The following ZNF593OS variants were observed in gnomAD, a reference collection of about 807,000 sequenced individuals.
The protein encoded by ZNF593OS is ZNF593 opposite strand.
rs1255015772 is a variant in ZNF593OS at position 26,171,208 on chromosome 1, C to T, written c.173G>A (p.Arg58Gln). 3 of 406,296 alleles carry T rather than the reference C, an allele frequency of 7.4e-6. No homozygotes were observed. Among genetic ancestry groups the T allele is most frequent in the Non-Finnish European group, 1.3e-5 (3 of 230,266 alleles). The allele number at this position is 406,296 out of a possible 1,614,324, so 25.2% of individuals were successfully genotyped here. A position where few individuals can be genotyped will look rare whatever the true frequency, so the allele number is the denominator to read the frequency against. ...TCTTCGTTACGGGGCCCGTGGCACC[C>T]GCCGCTGCCCCACCATCTTCCAGAC... Residue 58 changes from arginine (R) to glutamine (Q), a missense_variant, in exon 2 of 2, where the codon CGG (arginine) becomes CAG (glutamine). Physicochemically the swap from Arg to Gln is conservative, Grantham distance 43 (BLOSUM62 1). Coordinates refer to ENST00000648649, the Ensembl canonical transcript of ZNF593OS. This position sits in a 1 kb window ranked among gnomAD's most constrained non-coding sequence, Gnocchi z 5.5.
exon 2 of ZNF593OS, chr1:26,170,898 G>A (rs2088489779): frequency 2.6e-6 from 2 of 769,010 alleles, no homozygotes; most frequent in African/African-American, 3.5e-5. Context: ...TAACTTCCAG[G>A]CCGCTGTCTC....
At chr1:26,170,181 C>G, downstream of ZNF593OS, 1 of 1,572,128 alleles carries the variant, frequency 6.4e-7, no homozygotes, top group Non-Finnish European at 8.6e-7. Context: ...GTCTGGCCTG[C>G]GCGTGAGTCC....
At chr1:26,170,022 C>T, downstream of ZNF593OS, 4 of 1,566,562 alleles carry the variant, frequency 2.6e-6, no homozygotes, top group Non-Finnish European at 3.4e-6. Context: ...ACCGAGCGCA[C>T]TCTCTAGCCC....
chr1:26,170,375 G>T, downstream of ZNF593OS: 1 of 1,592,680 alleles, frequency 6.3e-7, no homozygotes, highest in South Asian at 1.1e-5. Flanking sequence ...GCACTTGGGA[G>T]ACTATCACCT....
At chr1:26,169,950 C>A (rs1194267070), downstream of ZNF593OS, 21 of 1,518,152 alleles carry the variant, frequency 1.4e-5, no homozygotes, top group Non-Finnish European at 1.8e-5. Context: ...CTGCCCTGCT[C>A]CTGGCCCCTT....
At chr1:26,170,353 A>G (rs1396913307), downstream of ZNF593OS, 4 of 1,565,702 alleles carry the variant, frequency 2.6e-6, no homozygotes, top group Admixed American at 6.9e-5. Context: ...AGCTAGGGCT[A>G]GGGAGATAGG....
chr1:26,170,957 C>T, exon 2 of ZNF593OS: 1 of 597,596 alleles, frequency 1.7e-6, no homozygotes, highest in Non-Finnish European at 2.9e-6. Context: ...TACACCAGGC[C>T]TAGGGTGTCT....
At chr1:26,169,828 C>G (rs1569859927), downstream of ZNF593OS, 11 of 811,152 alleles carry the variant, frequency 1.4e-5, no homozygotes, top group South Asian at 1.5e-4. Flanking sequence ...TGGCGGCGCT[C>G]GAGCCGCTGG....
At chr1:26,170,689 G>A in exon 2 of ZNF593OS, 1 of 1,609,052 alleles carries the variant, frequency 6.2e-7, no homozygotes, top group East Asian at 2.2e-5. Flanking sequence ...TGTCCACTGA[G>A]GTCCCTGAGA....
rs1360036555 is a variant in ZNF593OS at position 26,171,199 on chromosome 1, C to T, written c.182G>A (p.Arg61Gln). 3 of 405,486 alleles carry T rather than the reference C, an allele frequency of 7.4e-6. No individual in the cohort carries two copies. The highest frequency in any genetic ancestry group is 4.1e-5 in the Admixed American group (1 of 24,404). The allele number at this position is 405,486 out of a possible 1,614,324, so 25.1% of individuals were successfully genotyped here. A position where few individuals can be genotyped will look rare whatever the true frequency, so the allele number is the denominator to read the frequency against. Residue 61 changes from arginine to glutamine, a missense_variant, in exon 2 of 2, where the codon CGG (arginine) becomes CAG (glutamine). Physicochemically the swap from Arg to Gln is conservative, Grantham distance 43 (BLOSUM62 1). Coordinates refer to ENST00000648649, the Ensembl canonical transcript of ZNF593OS. The surrounding 1 kb of genome is among the most constrained non-coding windows in gnomAD (Gnocchi z 5.5). ...AGTCTCTCTTCTTCGTTACGGGGCC[C>T]GTGGCACCCGCCGCTGCCCCACCAT...
In ZNF593OS at chr1:26,171,761, G is replaced by T. The variant is rs1172292108; in HGVS notation, c.-100C>A. On this transcript the variant is annotated 5_prime_UTR_variant, in exon 1 of 2. Coordinates refer to ENST00000648649, the Ensembl canonical transcript of ZNF593OS. The surrounding 1 kb of genome is among the most constrained non-coding windows in gnomAD (Gnocchi z 5.5). ...AAGAAGTGGAAACTAGGGTAGAGGG[G>T]TCTCTGACCTTCCACATACGCAAGA... The T allele has an allele frequency of 3.0e-5, 12 of 398,252 alleles. No homozygotes were observed. The East Asian group carries it at 3.6e-4, about 12-fold the overall frequency. The allele number at this position is 398,252 out of a possible 1,614,324, so 24.7% of individuals were successfully genotyped here.
chr1:26,170,734 G>C (rs112992918), exon 2 of ZNF593OS: 1 of 1,597,828 alleles, frequency 6.3e-7, no homozygotes, highest in South Asian at 1.1e-5. Context: ...TGAAGATGCA[G>C]GGCAGAGGAA....
At chr1:26,169,589 C>T (rs1005788142), downstream of ZNF593OS, 3 of 240,958 alleles carry the variant, frequency 1.2e-5, no homozygotes, top group African/African-American at 4.5e-5. Flanking sequence ...ATCCCACCCC[C>T]ACCGCGGAGT....
Position 26,171,808 on chromosome 1 carries a change from C to T in ZNF593OS, c.-147G>A, listed in dbSNP as rs550056345. 1.0e-5 allele frequency: 4 copies of T among 396,652 alleles called. No individual in the cohort carries two copies. Among genetic ancestry groups the T allele is most frequent in the African/African-American group, 8.2e-5 (4 of 48,606 alleles). The allele number at this position is 396,652 out of a possible 1,614,324, so 24.6% of individuals were successfully genotyped here. A position where few individuals can be genotyped will look rare whatever the true frequency, so the allele number is the denominator to read the frequency against. On this transcript the variant is annotated 5_prime_UTR_variant, in exon 1 of 2. Transcript: ENST00000648649. The surrounding 1 kb of genome is among the most constrained non-coding windows in gnomAD (Gnocchi z 5.5). ...AAGACCCAAGCTCTCAGAGGATGCTCACCCGCGCCTGCCTGCCCAGGTCTG... is the reference window on the plus strand; with the variant it reads ...AAGACCCAAGCTCTCAGAGGATGCTTACCCGCGCCTGCCTGCCCAGGTCTG...
chr1:26,170,631 G>GT, exon 2 of ZNF593OS: 4 of 1,613,322 alleles, frequency 2.5e-6, no homozygotes, highest in Non-Finnish European at 3.4e-6. Context: ...AGGGCAGCGG[G>GT]TATGGGATCC....
chr1:26,170,143 G>T (rs773127349), downstream of ZNF593OS: 1 of 1,571,776 alleles, frequency 6.4e-7, no homozygotes. Context: ...GTTCGACCCC[G>T]ACCTGCCAGG....
chr1:26,170,762 C>G, exon 2 of ZNF593OS: 1 of 1,580,004 alleles, frequency 6.3e-7, no homozygotes, highest in Non-Finnish European at 8.6e-7. Context: ...TGGACAGTGA[C>G]GCAAGGACTA....
In ZNF593OS at chr1:26,171,207, C is replaced by T; in HGVS notation, c.174G>A (p.Arg58=). ...TTCTTCGTTACGGGGCCCGTGGCAC[C>T]CGCCGCTGCCCCACCATCTTCCAGA... Residue 58 remains arginine (R), a synonymous_variant, in exon 2 of 2, where the codon CGG becomes CGA. Transcript: ENST00000648649. The surrounding 1 kb of genome is among the most constrained non-coding windows in gnomAD (Gnocchi z 5.5). 2.5e-6 allele frequency: 1 copy of T among 406,924 alleles called. No homozygotes were observed. Among genetic ancestry groups the T allele is most frequent in the East Asian group, 3.5e-5 (1 of 28,384 alleles). The allele number at this position is 406,924 out of a possible 1,614,324, so 25.2% of individuals were successfully genotyped here. A position where few individuals can be genotyped will look rare whatever the true frequency, so the allele number is the denominator to read the frequency against.
At chr1:26,170,642 T>A (rs771716445) in exon 2 of ZNF593OS, 3 of 1,613,002 alleles carry the variant, frequency 1.9e-6, no homozygotes, top group Admixed American at 3.3e-5. Context: ...TATGGGATCC[T>A]ATGTGCCCCC....
Sources: allele counts gnomAD v4.1 joint callset, GRCh38; gene constraint gnomAD v4.1.1; non-coding constraint Gnocchi (gnomAD v3.1); transcripts MANE v1.5; gene names NCBI Gene and HGNC (gene_info 2026-07-23, HGNC 2026-07-21).